Variants in AGBL4 observed in about 807,000 individuals in gnomAD.
AGBL4 encodes the protein AGBL carboxypeptidase 4, also known as cytosolic carboxypeptidase 6.
AGBL4 carries 58 observed loss-of-function variants against 66.4 expected under a neutral mutation model. The observed-to-expected ratio is 0.87, with a 90% CI of 0.71 to 1.09. The LOEUF is 1.09. Ranked by LOEUF, AGBL4 falls within the 50% of genes least tolerant of loss-of-function variation. The pLI, the probability that AGBL4 is intolerant of heterozygous loss-of-function variation, is 0.00. For synonymous variants in AGBL4, 234 were observed against 222.9 expected (o/e 1.05, Z -0.44); for missense variants, 579 against 631.0 (o/e 0.92, Z 0.88).
intron 1 of AGBL4, among the ~76,000 whole-genome samples, chr1:49,867,206 G>A (rs1461077224): frequency 6.6e-6 from 1 of 151,790 alleles, no homozygotes; most frequent in African/African-American, 2.4e-5. Context: ...GGCATCCGTG[G>A]ACTCTTTTAC....
chr1:49,953,711 A>G (rs1192711902), intron 1 of AGBL4, among the ~76,000 whole-genome samples: 1 of 151,966 alleles, frequency 6.6e-6, no homozygotes. Flanking sequence ...CCAAAAAAAA[A>G]AATCAGAAAT....
At chr1:49,364,201 A>ACTC (rs1191774085) in intron 3 of AGBL4, among the ~76,000 whole-genome samples, 2 of 152,094 alleles carry the variant, frequency 1.3e-5, no homozygotes, top group Admixed American at 1.3e-4. Context: ...TTTAAAAAGG[A>ACTC]CTCTATTTAA....
chr1:49,794,533 C>T (rs1644683266), intron 2 of AGBL4, among the ~76,000 whole-genome samples: 2 of 151,836 alleles, frequency 1.3e-5, no homozygotes, highest in Admixed American at 6.6e-5. Flanking sequence ...TAAGAAAGTG[C>T]TAACACTTCT....
intron 4 of AGBL4, among the ~76,000 whole-genome samples, chr1:49,120,438 T>A (rs1467596153): frequency 1.3e-5 from 2 of 152,208 alleles, no homozygotes. Context: ...TTATGAAGCT[T>A]AGTTTGGCTG....
chr1:49,719,810 G>A (rs779836208), intron 2 of AGBL4, among the ~76,000 whole-genome samples: 23 of 152,024 alleles, frequency 1.5e-4, no homozygotes, highest in Non-Finnish European at 2.4e-4. Context: ...CTTGTGATGT[G>A]AGCGAGTTCA....
At chr1:49,925,844 C>T (rs1652713280) in intron 1 of AGBL4, among the ~76,000 whole-genome samples, 1 of 152,166 alleles carries the variant, frequency 6.6e-6, no homozygotes, top group African/African-American at 2.4e-5. Flanking sequence ...TCTTGGATGC[C>T]AGCTCAGCCA....
chr1:49,576,821 A>C (rs1201831919), intron 3 of AGBL4, among the ~76,000 whole-genome samples: 3 of 152,152 alleles, frequency 2.0e-5, no homozygotes, highest in Non-Finnish European at 4.4e-5. Context: ...GAGAGACAGA[A>C]GACTAGGGCC....
chr1:48,841,412 CAA>C (rs1426156364), intron 6 of AGBL4, among the ~76,000 whole-genome samples: 1 of 65,972 alleles, frequency 1.5e-5, no homozygotes, highest in African/African-American at 5.3e-5. Context: ...CCCCCCCCCC[CAA>C]AAAAAAAGAA....
intron 3 of AGBL4, among the ~76,000 whole-genome samples, chr1:49,529,019 A>T (rs1010493538): frequency 1.3e-5 from 2 of 152,050 alleles, no homozygotes; most frequent in Non-Finnish European, 2.9e-5. Context: ...AGAATCATGG[A>T]CCAAAAAGTT....
rs372749404 is a variant in AGBL4 at position 48,535,932 on chromosome 1, T to C, written c.1365-1016A>G. On this transcript the variant is annotated intron_variant, in intron 12 of 13. Coordinates refer to ENST00000371839, the MANE Select transcript of AGBL4 (RefSeq NM_032785.4). The stretch of plus-strand genomic sequence containing the variant: ...CATGGATTATTTAGAATTTAATCTA[T>C]GCTAGGCCCTGCACCATGCACTAAG... Among the ~76,000 whole-genome samples the C allele has an allele frequency of 2.6e-5, 4 of 152,226 alleles. 1 individual carries two copies. The highest frequency in any genetic ancestry group is 2.4e-5 in the African/African-American group (1 of 41,544).
At chr1:48,796,763 A>T (rs192880952) in intron 6 of AGBL4, among the ~76,000 whole-genome samples, 1 of 152,214 alleles carries the variant, frequency 6.6e-6, no homozygotes, top group African/African-American at 2.4e-5. Context: ...CCATAGACAG[A>T]AAGCAATCTT....
At chr1:49,759,471 A>G (rs1652141808) in intron 2 of AGBL4, among the ~76,000 whole-genome samples, 1 of 152,226 alleles carries the variant, frequency 6.6e-6, no homozygotes, top group Non-Finnish European at 1.5e-5. Flanking sequence ...GGTATCCTGC[A>G]TAAGACCCTG....
intron 1 of AGBL4, among the ~76,000 whole-genome samples, chr1:49,886,484 C>T (rs1031301953): frequency 1.3e-5 from 2 of 152,034 alleles, no homozygotes; most frequent in Non-Finnish European, 2.9e-5. Flanking sequence ...GAGTAAAAAC[C>T]AATCCCTGAA....
chr1:49,706,862 G>C (rs1647247223), intron 2 of AGBL4, among the ~76,000 whole-genome samples: 3 of 152,124 alleles, frequency 2.0e-5, no homozygotes. Context: ...TTTTGAGTGA[G>C]TATCTTAATC....
intron 3 of AGBL4, among the ~76,000 whole-genome samples, chr1:49,614,776 C>T (rs1399018640): frequency 1.3e-5 from 2 of 152,266 alleles, no homozygotes; most frequent in South Asian, 2.1e-4. Context: ...TTACCATTCA[C>T]TTGTGCTACT....
chr1:49,260,171 A>T (rs1027322876), intron 3 of AGBL4, among the ~76,000 whole-genome samples: 1 of 151,814 alleles, frequency 6.6e-6, no homozygotes, highest in Admixed American at 6.6e-5. Flanking sequence ...TGTAGAGGGA[A>T]ATTTATAGCA....
chr1:49,954,203 A>C (rs1224453756), intron 1 of AGBL4, among the ~76,000 whole-genome samples: 1 of 151,782 alleles, frequency 6.6e-6, no homozygotes, highest in Non-Finnish European at 1.5e-5. Context: ...CTCTAGTTTT[A>C]TTTTTTAATC....
chr1:49,627,413 A>T (rs1645485158), intron 3 of AGBL4, among the ~76,000 whole-genome samples: 1 of 152,108 alleles, frequency 6.6e-6, no homozygotes. Flanking sequence ...AAACATTCTG[A>T]GTGTGCCTAC....
chr1:49,957,154 G>T (rs1289394029), intron 1 of AGBL4, among the ~76,000 whole-genome samples: 2 of 151,860 alleles, frequency 1.3e-5, no homozygotes, highest in Middle Eastern at 3.2e-3. Flanking sequence ...AATAAGAGCT[G>T]TAATTAAATA....
Sources: gnomAD v4.1 joint callset for allele counts (sites outside exome capture counted in the v4.1 genomes callset) on GRCh38, gnomAD v4.1.1 for gene constraint, MANE v1.5 for transcripts, NCBI Gene and HGNC (gene_info 2026-07-23, HGNC 2026-07-21) for gene names.